The following IMMP2L variants were observed in gnomAD, a reference collection of about 807,000 sequenced individuals.
IMMP2L encodes the protein mitochondrial inner membrane protease subunit 2.
IMMP2L carries 18 observed loss-of-function variants against 19.3 expected under a neutral mutation model. The ratio of observed to expected loss-of-function variants is 0.93; its 90% CI spans 0.64 to 1.38. IMMP2L has a LOEUF of 1.38. IMMP2L is among the 40% of genes most tolerant of loss of function. The pLI is 0.00. For missense variants in IMMP2L, 233 were observed against 218.2 expected, an observed-to-expected ratio of 1.07 and a Z score of -0.43; for synonymous variants, 76 against 73.0, an observed-to-expected ratio of 1.04 and a Z score of -0.21.
chr7:110,992,644 TTA>T (rs1822600887), intron 3 of IMMP2L, among the ~76,000 whole-genome samples: 1 of 151,812 alleles, frequency 6.6e-6, no homozygotes, highest in Non-Finnish European at 1.5e-5. Context: ...GATATTTATA[TTA>T]TGATATAAGT....
chr7:111,293,896 A>G (rs997193202), intron 3 of IMMP2L, among the ~76,000 whole-genome samples: 14 of 152,084 alleles, frequency 9.2e-5, no homozygotes, highest in Non-Finnish European at 7.4e-5. Flanking sequence ...CAAGATATAG[A>G]TTTCAACCCA....
intron 4 of IMMP2L, among the ~76,000 whole-genome samples, chr7:110,948,972 G>T (rs1358566258): frequency 6.6e-6 from 1 of 152,114 alleles, no homozygotes; most frequent in African/African-American, 2.4e-5. Context: ...TTTGGCATTT[G>T]CACCCCACAA....
chr7:110,810,132 C>T (rs1035118584), intron 5 of IMMP2L, among the ~76,000 whole-genome samples: 3 of 152,022 alleles, frequency 2.0e-5, no homozygotes, highest in Admixed American at 6.6e-5. Context: ...TTTTGCTTAT[C>T]CCTTGTTTAG....
chr7:110,716,414 G>A (rs923873089), intron 5 of IMMP2L, among the ~76,000 whole-genome samples: 1 of 152,138 alleles, frequency 6.6e-6, no homozygotes. Flanking sequence ...GTACGTAAGT[G>A]TGTTTTTGTG....
At chr7:110,865,166 C>T (rs528089997) in intron 5 of IMMP2L, among the ~76,000 whole-genome samples, 129 of 151,994 alleles carry the variant, frequency 8.5e-4, no homozygotes, top group Non-Finnish European at 1.4e-3. Flanking sequence ...TGTCAGGAAG[C>T]GCATACATTT....
intron 3 of IMMP2L, among the ~76,000 whole-genome samples, chr7:111,451,755 GA>G (rs1174560697): frequency 6.7e-6 from 1 of 149,898 alleles, no homozygotes; most frequent in Non-Finnish European, 1.5e-5. Context: ...GAGAATAAAG[GA>G]AAAAAGCAGA....
intron 3 of IMMP2L, among the ~76,000 whole-genome samples, chr7:111,225,348 T>C (rs1454177304): frequency 6.6e-6 from 1 of 152,012 alleles, no homozygotes; most frequent in Admixed American, 6.6e-5. Flanking sequence ...GATGCAGCAG[T>C]AGTAATATTA....
chr7:110,740,136 A>T (rs1162911554), intron 5 of IMMP2L, among the ~76,000 whole-genome samples: 1 of 152,210 alleles, frequency 6.6e-6, no homozygotes, highest in African/African-American at 2.4e-5. Context: ...AGACAATCTA[A>T]GGTCACACCT....
chr7:110,839,428 T>C (rs768163336), intron 5 of IMMP2L, among the ~76,000 whole-genome samples: 3 of 152,104 alleles, frequency 2.0e-5, no homozygotes, highest in Non-Finnish European at 4.4e-5. Flanking sequence ...GACCTAGGTA[T>C]AGATATATCA....
chr7:111,026,294 A>C (rs1826808857), intron 3 of IMMP2L, among the ~76,000 whole-genome samples: 1 of 152,164 alleles, frequency 6.6e-6, no homozygotes, highest in Non-Finnish European at 1.5e-5. Context: ...TTAGAAGTTA[A>C]TGATATCTTT....
chr7:111,436,161 G>C (rs1476862515), intron 3 of IMMP2L, among the ~76,000 whole-genome samples: 1 of 151,620 alleles, frequency 6.6e-6, no homozygotes, highest in Non-Finnish European at 1.5e-5. Context: ...CAATGGCGGA[G>C]GCTGGACAGG....
chr7:111,429,165 G>A (rs1427610635), intron 3 of IMMP2L, among the ~76,000 whole-genome samples: 1 of 151,802 alleles, frequency 6.6e-6, no homozygotes, highest in African/African-American at 2.4e-5. Context: ...TTGCCCATGA[G>A]CTTCAAGAGC....
intron 3 of IMMP2L, among the ~76,000 whole-genome samples, chr7:111,334,826 T>C (rs1429042507): frequency 2.0e-5 from 3 of 152,116 alleles, no homozygotes; most frequent in Non-Finnish European, 4.4e-5. Flanking sequence ...ATTTCTTCCA[T>C]TTCCCTCACT....
chr7:110,985,161 A>G (rs1821728185), intron 3 of IMMP2L, among the ~76,000 whole-genome samples: 1 of 152,112 alleles, frequency 6.6e-6, no homozygotes, highest in Non-Finnish European at 1.5e-5. Flanking sequence ...TCCAGAAAGG[A>G]ACTCAACCTT....
chr7:110,909,517 G>A (rs1812811994), intron 4 of IMMP2L, among the ~76,000 whole-genome samples: 1 of 152,156 alleles, frequency 6.6e-6, no homozygotes, highest in Admixed American at 6.6e-5. Context: ...GAACGGTGCT[G>A]TGAGATTATT....
intron 3 of IMMP2L, among the ~76,000 whole-genome samples, chr7:111,366,778 T>C (rs896688073): frequency 6.6e-6 from 1 of 152,006 alleles, no homozygotes; most frequent in Non-Finnish European, 1.5e-5. Flanking sequence ...TCTATACATA[T>C]GCATTCTCTC....
chr7:110,734,140 G>A (rs141179491), intron 5 of IMMP2L, among the ~76,000 whole-genome samples: 3,155 of 152,308 alleles, frequency 0.021, 51 homozygotes, highest in Middle Eastern at 0.044. Context: ...GCATTGCCAT[G>A]AACAGAGGGG....
At chr7:111,108,829 T>A (rs943052058) in intron 3 of IMMP2L, among the ~76,000 whole-genome samples, 2 of 152,130 alleles carry the variant, frequency 1.3e-5, no homozygotes, top group East Asian at 1.9e-4. Flanking sequence ...CAAATTTTTT[T>A]AAATGTATAA....
At chr7:110,670,239 G>A (rs937527699) in intron 5 of IMMP2L, among the ~76,000 whole-genome samples, 1 of 152,162 alleles carries the variant, frequency 6.6e-6, no homozygotes, top group Non-Finnish European at 1.5e-5. Context: ...CAACAGCCAA[G>A]GAGGGGGACT....
Sources: gnomAD v4.1 joint callset for allele counts (sites outside exome capture counted in the v4.1 genomes callset) on GRCh38, gnomAD v4.1.1 for gene constraint, MANE v1.5 for transcripts, NCBI Gene and HGNC (gene_info 2026-07-23, HGNC 2026-07-21) for gene names.